Variants in CSMD1 observed in about 807,000 individuals in gnomAD.
CSMD1 encodes the protein CUB and sushi domain-containing protein 1.
A neutral mutation model predicts 417.5 loss-of-function variants in CSMD1; 213 were observed. That is an observed-to-expected ratio of 0.51 (90% CI 0.46 to 0.57). The LOEUF is 0.57. Ranked by LOEUF, CSMD1 falls within the 20% of genes least tolerant of loss-of-function variation. The probability of loss-of-function intolerance (pLI) is 0.00; values close to 1 mark genes in which losing one functional copy is unlikely to be tolerated. For synonymous variants in CSMD1, 2,862 were observed against 1,736.8 expected (o/e 1.65, Z -16.11); for missense variants, 6,923 against 4,529.7 (o/e 1.53, Z -15.17).
intron 2 of CSMD1, among the ~76,000 whole-genome samples, chr8:4,486,315 C>T (rs1801416503): frequency 6.8e-6 from 1 of 147,760 alleles, no homozygotes; most frequent in African/African-American, 2.5e-5. Context: ...CTTTTATCCC[C>T]CTAGCTACAA....
chr8:3,656,867 G>C (rs866317711), intron 7 of CSMD1, among the ~76,000 whole-genome samples: 7 of 151,828 alleles, frequency 4.6e-5, no homozygotes, highest in Non-Finnish European at 2.9e-5. Context: ...AGAGGTGGCA[G>C]TGAGCCAAGA....
intron 8 of CSMD1, among the ~76,000 whole-genome samples, chr8:3,593,571 C>G (rs1477934380): frequency 1.3e-5 from 2 of 152,206 alleles, no homozygotes; most frequent in African/African-American, 2.4e-5. Context: ...CCAGATCTGA[C>G]TTTTAACCTG....
At chr8:3,743,650 G>A (rs1701409542) in intron 6 of CSMD1, among the ~76,000 whole-genome samples, 1 of 152,096 alleles carries the variant, frequency 6.6e-6, no homozygotes, top group Non-Finnish European at 1.5e-5. Context: ...TCCTAAATGA[G>A]GTGATTACAA....
At chr8:3,781,932 T>C (rs1012029170) in intron 5 of CSMD1, among the ~76,000 whole-genome samples, 1 of 152,174 alleles carries the variant, frequency 6.6e-6, no homozygotes, top group African/African-American at 2.4e-5. Context: ...AGAACTATAA[T>C]CTCACATGCC....
chr8:3,871,933 A>G (rs1266168517), intron 5 of CSMD1, among the ~76,000 whole-genome samples: 1 of 152,186 alleles, frequency 6.6e-6, no homozygotes, highest in Non-Finnish European at 1.5e-5. Context: ...TAATCTTCTG[A>G]AAAACACAGC....
rs143290354 is a variant in CSMD1 at position 4,258,091 on chromosome 8, G to C, written c.415+161862C>G. On this transcript the variant is annotated intron_variant, in intron 3 of 69. Transcript: ENST00000635120. ...CCCTAGTAACTGGGACTACAGGCCC[G>C]TGCTACCATTCCCGGCTATTTTTTT... Among the ~76,000 whole-genome samples the C allele has an allele frequency of 7.3e-5, 11 of 151,614 alleles. No individual in the cohort carries two copies. In the East Asian group the frequency reaches 2.0e-3, roughly 28 times the overall value.
Position 3,962,329 on chromosome 8 carries a change from T to C in CSMD1, c.818+35574A>G, listed in dbSNP as rs1225942569. 3.9e-5 allele frequency among the ~76,000 whole-genome samples: 6 copies of C among 151,950 alleles called. No individual in the cohort carries two copies. In the South Asian group the frequency reaches 6.2e-4, roughly 16 times the overall value. On this transcript the variant is annotated intron_variant, in intron 5 of 69. Coordinates refer to ENST00000635120, the MANE Select transcript of CSMD1 (RefSeq NM_033225.6). ...ATTTGGTTCCAGCAGTGACAGATTA[T>C]GCAGGATTAAGATCCCAAGTACAGT...
intron 2 of CSMD1, among the ~76,000 whole-genome samples, chr8:4,431,023 G>A (rs1458190751): frequency 4.6e-5 from 7 of 152,050 alleles, no homozygotes; most frequent in Non-Finnish European, 1.0e-4. Flanking sequence ...CTTCGCATAA[G>A]ACCTGTGCTT....
chr8:4,293,599 G>C (rs980557939), intron 3 of CSMD1, among the ~76,000 whole-genome samples: 2 of 152,074 alleles, frequency 1.3e-5, no homozygotes, highest in Non-Finnish European at 2.9e-5. Context: ...ATCTCATCAT[G>C]AACTAAGCAA....
At chr8:4,506,167 G>C (rs1395380656) in intron 2 of CSMD1, among the ~76,000 whole-genome samples, 2 of 152,022 alleles carry the variant, frequency 1.3e-5, no homozygotes, top group African/African-American at 4.8e-5. Flanking sequence ...AAGTAATTGC[G>C]GTTTTTGCTA....
At chr8:4,196,700 A>G (rs1032286555) in intron 3 of CSMD1, among the ~76,000 whole-genome samples, 1 of 152,146 alleles carries the variant, frequency 6.6e-6, no homozygotes, top group Non-Finnish European at 1.5e-5. Context: ...GAGTTCACAT[A>G]GCTAGAATAG....
At chr8:4,722,756 T>C (rs575255324) in intron 1 of CSMD1, among the ~76,000 whole-genome samples, 1 of 152,314 alleles carries the variant, frequency 6.6e-6, no homozygotes, top group South Asian at 2.1e-4. Context: ...TCAGGAAAAT[T>C]ACAGTCACTT....
At chr8:4,452,594 T>G (rs556119335) in intron 2 of CSMD1, among the ~76,000 whole-genome samples, 2 of 152,122 alleles carry the variant, frequency 1.3e-5, no homozygotes, top group Non-Finnish European at 2.9e-5. Context: ...AGAAAACCGG[T>G]AACGAAAAAG....
rs920914180 is a variant in CSMD1 at position 4,031,832 on chromosome 8, C to G, written c.610+73G>C. On this transcript the variant is annotated intron_variant, in intron 4 of 69. Transcript: ENST00000635120. ...TGTATTATTTTCATTTAAGTGGAAA[C>G]TTTCATAAAAGCATCTCCAAAACCA... The G allele has an allele frequency of 3.7e-5, 44 of 1,192,240 alleles. No homozygotes were observed. The African/African-American group carries it at 6.2e-4, about 17-fold the overall frequency. 73.9% of individuals were successfully genotyped at this position (1,192,240 alleles called of 1,614,324 possible). A position where few individuals can be genotyped will look rare whatever the true frequency, so the allele number is the denominator to read the frequency against.
At chr8:4,675,705 A>AT (rs958181668) in intron 1 of CSMD1, among the ~76,000 whole-genome samples, 12 of 151,848 alleles carry the variant, frequency 7.9e-5, no homozygotes, top group African/African-American at 1.2e-4. Flanking sequence ...TATATTTGGT[A>AT]TTTTTTTTGC....
intron 8 of CSMD1, among the ~76,000 whole-genome samples, chr8:3,610,164 C>A (rs1015382677): frequency 6.6e-6 from 1 of 152,128 alleles, no homozygotes; most frequent in Non-Finnish European, 1.5e-5. Flanking sequence ...GGCATCCTTA[C>A]TTGGCTGTAG....
At chr8:3,378,171 G>C (rs771861419) in intron 18 of CSMD1, among the ~76,000 whole-genome samples, 1 of 152,172 alleles carries the variant, frequency 6.6e-6, no homozygotes, top group Non-Finnish European at 1.5e-5. Flanking sequence ...CTGCTGGGTA[G>C]AGTAGAAAAT....
chr8:4,393,071 G>C (rs944288623), intron 3 of CSMD1, among the ~76,000 whole-genome samples: 1 of 151,580 alleles, frequency 6.6e-6, no homozygotes, highest in East Asian at 2.0e-4. Context: ...CGCCTCCGGG[G>C]TTCAAGCGAT....
At chr8:4,791,803 G>C (rs368494548) in intron 1 of CSMD1, among the ~76,000 whole-genome samples, 1 of 152,114 alleles carries the variant, frequency 6.6e-6, no homozygotes, top group Non-Finnish European at 1.5e-5. Flanking sequence ...TCCAGTTTGG[G>C]TGGCATTCTC....
Sources: allele counts gnomAD v4.1 joint callset (sites outside exome capture counted in the v4.1 genomes callset), GRCh38; gene constraint gnomAD v4.1.1; transcripts MANE v1.5; gene names NCBI Gene and HGNC (gene_info 2026-07-23, HGNC 2026-07-21).